The following STXBP3 variants were observed in gnomAD, a reference collection of about 807,000 sequenced individuals.
The protein encoded by STXBP3 is syntaxin-binding protein 3.
A neutral mutation model predicts 85.7 loss-of-function variants in STXBP3; 41 were observed. The observed-to-expected ratio is 0.48, with a 90% CI of 0.37 to 0.62. The LOEUF (loss-of-function observed/expected upper bound fraction) is 0.62, where lower values mean the gene tolerates loss of function less well. Ranked by LOEUF, STXBP3 falls within the 20% of genes least tolerant of loss-of-function variation. The pLI is 0.00. For missense variants in STXBP3, 563 were observed against 703.1 expected, an observed-to-expected ratio of 0.80 and a Z score of 2.25; for synonymous variants, 229 against 231.7, an observed-to-expected ratio of 0.99 and a Z score of 0.10.
At chr1:108,774,875 G>A (rs560043647) in intron 7 of STXBP3, among the ~76,000 whole-genome samples, 3 of 151,820 alleles carry the variant, frequency 2.0e-5, no homozygotes, top group Admixed American at 1.3e-4. Flanking sequence ...TTACGTTCAG[G>A]GAAATGAGTA....
chr1:108,798,768 A>C (rs1663170550), intron 16 of STXBP3, among the ~76,000 whole-genome samples: 1 of 152,216 alleles, frequency 6.6e-6, no homozygotes, highest in Non-Finnish European at 1.5e-5. Flanking sequence ...CTGTTTCAAA[A>C]AAAATAAAAT....
intron 18 of STXBP3, 129 bp downstream of exon 18, chr1:108,807,678 G>A (rs1663373092): frequency 1.1e-6 from 1 of 895,004 alleles, no homozygotes; most frequent in South Asian, 1.8e-5. Flanking sequence ...CCAGGTTCAA[G>A]CGATTCTTCT....
chr1:108,794,600 GA>G (rs1663050440), intron 12 of STXBP3, among the ~76,000 whole-genome samples: 1 of 152,192 alleles, frequency 6.6e-6, no homozygotes, highest in Non-Finnish European at 1.5e-5. Flanking sequence ...AACACATGGG[GA>G]TTATGGGAAC....
At chr1:108,769,095 A>AC (rs1553196187) in intron 6 of STXBP3, among the ~76,000 whole-genome samples, 6 of 151,772 alleles carry the variant, frequency 4.0e-5, no homozygotes, top group Non-Finnish European at 7.4e-5. Context: ...AATAACACAT[A>AC]TTTTAATATT....
At position 108,749,743 on chromosome 1, in the gene STXBP3, G is replaced by A. The variant is rs552012865; in HGVS notation, c.50-2514G>A. Among the ~76,000 whole-genome samples the A allele has an allele frequency of 3.3e-5, 5 of 152,158 alleles. No individual in the cohort carries two copies. In the South Asian group the frequency reaches 1.0e-3, roughly 32 times the overall value. ...TTAGACAATAACACTGACTCTGTAG[G>A]TATCTTCAGATTCTTTTTATTTTTT... is the stretch of plus-strand genomic sequence containing the variant. On this transcript the variant is annotated intron_variant, in intron 1 of 18. Coordinates refer to ENST00000370008, the MANE Select transcript of STXBP3 (RefSeq NM_007269.4).
Position 108,772,803 on chromosome 1 carries a change from G to A in STXBP3, c.577G>A (p.Gly193Arg), listed in dbSNP as rs149690712. Residue 193 changes from glycine (G) to arginine (R), a missense_variant, in exon 7 of 19, where the codon GGA (glycine) becomes AGA (arginine). By Grantham distance (125) the Gly-to-Arg change is moderately radical. Around this residue, in one of 3 missense-constraint regions of STXBP3, gnomAD observed 494 missense variants for 592.8 expected, o/e 0.83. Transcript: ENST00000370008. Reference sequence around the variant, plus strand: ...GTGTGCCACCTTGGATGAAAATCCCGGAGTAAGATATAAAAGGTAAGACAC... The same window carrying A: ...GTGTGCCACCTTGGATGAAAATCCCAGAGTAAGATATAAAAGGTAAGACAC... ...TVCATLDENPGVRYKSKPLDN... is the reference protein window; with the variant it reads ...TVCATLDENPRVRYKSKPLDN... 13 of 1,596,032 alleles carry A rather than the reference G, an allele frequency of 8.1e-6. No homozygotes were observed. The highest frequency in any genetic ancestry group is 2.2e-5 in the South Asian group (2 of 89,036).
chr1:108,773,660 G>A (rs1662520360), intron 7 of STXBP3, among the ~76,000 whole-genome samples: 1 of 151,926 alleles, frequency 6.6e-6, no homozygotes, highest in Non-Finnish European at 1.5e-5. Context: ...CCCATTGCAG[G>A]GCACACTACA....
chr1:108,760,243 G>A (rs914274476), intron 6 of STXBP3, among the ~76,000 whole-genome samples, 158 bp downstream of exon 6: 1 of 152,002 alleles, frequency 6.6e-6, no homozygotes, highest in African/African-American at 2.4e-5. Flanking sequence ...AGTCAGACGC[G>A]TGAGCAATAA....
intron 18 of STXBP3, among the ~76,000 whole-genome samples, chr1:108,808,269 T>C (rs1056067956): frequency 1.3e-5 from 2 of 152,180 alleles, no homozygotes; most frequent in Non-Finnish European, 2.9e-5. Context: ...TCCAGCACTT[T>C]GGGAGGCCAA....
At chr1:108,802,971 C>T (rs558398561) in intron 17 of STXBP3, among the ~76,000 whole-genome samples, 1 of 152,314 alleles carries the variant, frequency 6.6e-6, no homozygotes, top group South Asian at 2.1e-4. Flanking sequence ...GCAACTTATT[C>T]ATCTGTTTTC....
chr1:108,796,522 T>C, intron 14 of STXBP3, 98 bp from the exon 15 acceptor site: 1 of 1,258,070 alleles, frequency 7.9e-7, no homozygotes. Flanking sequence ...TTGACTGTTT[T>C]TTATTTTAAA....
intron 3 of STXBP3, among the ~76,000 whole-genome samples, chr1:108,756,197 T>A (rs903539611): frequency 5.3e-5 from 8 of 152,172 alleles, no homozygotes; most frequent in African/African-American, 1.9e-4. Context: ...GAAAAAATAC[T>A]TTATAAATAT....
At chr1:108,782,370 G>T (rs1662733269) in intron 9 of STXBP3, 52 bp from the exon 10 acceptor site, 3 of 1,329,474 alleles carry the variant, frequency 2.3e-6, no homozygotes, top group South Asian at 1.3e-5. Flanking sequence ...TGTTTCTTTT[G>T]ATTTTGGAGG....
At chr1:108,787,843 G>A (rs762759594) in intron 11 of STXBP3, among the ~76,000 whole-genome samples, 19 of 151,776 alleles carry the variant, frequency 1.3e-4, no homozygotes, top group Non-Finnish European at 2.4e-4. Flanking sequence ...AGGCTGGAGT[G>A]CAGTGGTGCA....
intron 3 of STXBP3, 126 bp downstream of exon 3, chr1:108,753,270 T>TACCA: frequency 1.8e-6 from 1 of 566,462 alleles, no homozygotes. Flanking sequence ...CCATAACTAT[T>TACCA]AGATTTAACA....
At chr1:108,799,052 A>G (rs1047968779) in intron 16 of STXBP3, among the ~76,000 whole-genome samples, 2 of 152,224 alleles carry the variant, frequency 1.3e-5, no homozygotes, top group African/African-American at 4.8e-5. Context: ...TTTTAAAATT[A>G]TGAGCTTAAT....
At chr1:108,746,875 T>C in intron 1 of STXBP3, 89 bp downstream of exon 1, 1 of 1,324,112 alleles carries the variant, frequency 7.6e-7, no homozygotes, top group Non-Finnish European at 1.1e-6. Flanking sequence ...CAGCGGTCTG[T>C]TGAGGAGCCG....
rs766481941 is a variant in STXBP3, at chr1:108,752,274, T to C, written c.67T>C (p.Phe23Leu). 2 of 1,611,788 alleles carry C rather than the reference T, an allele frequency of 1.2e-6. No individual in the cohort carries two copies. The highest frequency in any genetic ancestry group is 1.3e-5 in the African/African-American group (1 of 74,850). Residue 23 changes from phenylalanine (F) to leucine (L), a missense_variant, in exon 2 of 19, where the codon TTT (phenylalanine) becomes CTT (leucine). Phe to Leu is a conservative substitution (Grantham distance 22, BLOSUM62 0). Coordinates refer to ENST00000370008, the MANE Select transcript of STXBP3 (RefSeq NM_007269.4). ...TTAAACAGAGATAAAAGCAACAGTG[T>C]TTGATGACTGCAAGAAAGAAGGCGA... ...VVWQKIKATV[F>L]DDCKKEGEWK...
intron 9 of STXBP3, chr1:108,782,054 T>C (rs1469058997): frequency 2.4e-5 from 4 of 165,966 alleles, no homozygotes; most frequent in Non-Finnish European, 5.2e-5. Flanking sequence ...GTACTGTGGG[T>C]TATTAGCACA....
Sources: allele counts gnomAD v4.1 joint callset (sites outside exome capture counted in the v4.1 genomes callset), GRCh38; gene constraint gnomAD v4.1.1; regional missense constraint gnomAD v4.1.1; transcripts MANE v1.5; gene names NCBI Gene and HGNC (gene_info 2026-07-23, HGNC 2026-07-21).